RNF220: variants seen among roughly 807,000 people sequenced by gnomAD.
RNF220 encodes the protein E3 ubiquitin-protein ligase RNF220.
A neutral mutation model predicts 67.1 loss-of-function variants in RNF220; 7 were observed. That is an observed-to-expected ratio of 0.10 (90% CI 0.06 to 0.20). The LOEUF (loss-of-function observed/expected upper bound fraction) is 0.20. Ranked by LOEUF, RNF220 falls within the 10% of genes least tolerant of loss-of-function variation. The pLI is 1.00. For missense variants in RNF220, 565 were observed against 740.3 expected, an observed-to-expected ratio of 0.76 and a Z score of 2.75; for synonymous variants, 270 against 283.2, an observed-to-expected ratio of 0.95 and a Z score of 0.47.
intron 2 of RNF220, among the ~76,000 whole-genome samples, chr1:44,508,846 G>T (rs1041275737): frequency 5.3e-5 from 8 of 152,224 alleles, no homozygotes; most frequent in Admixed American, 2.6e-4. Flanking sequence ...AGTTTGCAAA[G>T]AACTCATGAG....
intron 2 of RNF220, among the ~76,000 whole-genome samples, chr1:44,451,038 C>G (rs1036981528): frequency 6.6e-6 from 1 of 152,076 alleles, no homozygotes; most frequent in African/African-American, 2.4e-5. Context: ...AAAAAATTAG[C>G]GGGGCGTGGT....
At chr1:44,434,532 C>G (rs1176625514) in intron 2 of RNF220, among the ~76,000 whole-genome samples, 1 of 151,936 alleles carries the variant, frequency 6.6e-6, no homozygotes, top group Non-Finnish European at 1.5e-5. Flanking sequence ...CACGGTGAAA[C>G]CACGTCTCTA....
chr1:44,564,276 A>G (rs1228315120), intron 2 of RNF220, among the ~76,000 whole-genome samples: 1 of 152,054 alleles, frequency 6.6e-6, no homozygotes, highest in Non-Finnish European at 1.5e-5. Flanking sequence ...CGTTGCAATC[A>G]CCTTCTAACT....
chr1:44,601,481 G>T (rs1171376795), intron 2 of RNF220, among the ~76,000 whole-genome samples: 1 of 152,192 alleles, frequency 6.6e-6, no homozygotes, highest in East Asian at 1.9e-4. Flanking sequence ...AGATGCAGTA[G>T]AGAGGGAGAA....
At chr1:44,579,613 C>A (rs1665085608) in intron 2 of RNF220, among the ~76,000 whole-genome samples, 1 of 152,218 alleles carries the variant, frequency 6.6e-6, no homozygotes. Context: ...TCTGGACACT[C>A]ATCCGAGACA....
chr1:44,580,811 GGTTGTGTGT>G (rs1198839165), intron 2 of RNF220, among the ~76,000 whole-genome samples: 2 of 152,244 alleles, frequency 1.3e-5, no homozygotes, highest in East Asian at 3.8e-4. Flanking sequence ...CTGCTCTGCT[GGTTGTGTGT>G]CCCTCCTTCC....
At chr1:44,429,672 T>G (rs1361348384) in intron 2 of RNF220, among the ~76,000 whole-genome samples, 2 of 152,212 alleles carry the variant, frequency 1.3e-5, no homozygotes, top group African/African-American at 2.4e-5. Context: ...ATGGCAAATG[T>G]GAAGCATTTC....
intron 8 of RNF220, chr1:44,644,402 C>T: frequency 3.1e-6 from 1 of 319,478 alleles, no homozygotes; most frequent in Non-Finnish European, 5.9e-6. Flanking sequence ...GATAGGTGGA[C>T]AGCAGGCCTG....
At chr1:44,577,296 C>G (rs1283349065) in intron 2 of RNF220, among the ~76,000 whole-genome samples, 5 of 152,140 alleles carry the variant, frequency 3.3e-5, no homozygotes, top group Admixed American at 2.0e-4. Context: ...CTGCAGTGCA[C>G]CCCCTCTTAC....
Position 44,622,590 on chromosome 1 carries a change from C to T in RNF220, c.759-152C>T, listed in dbSNP as rs1643844274. On this transcript the variant is annotated intron_variant, in intron 3 of 14. Transcript: ENST00000361799. The surrounding 1 kb of genome is among the most constrained non-coding windows in gnomAD (Gnocchi z 4.3). ...TCAGCCCATGAGAGAGGCTGGGCCA[C>T]TGGGATTGAAAGGACTGGGTGGAGC... is the stretch of plus-strand genomic sequence containing the variant. 1 of 657,396 alleles carries T rather than the reference C, an allele frequency of 1.5e-6. No individual in the cohort carries two copies. Among genetic ancestry groups the T allele is most frequent in the Non-Finnish European group, 2.7e-6 (1 of 367,972 alleles). 40.7% of individuals were successfully genotyped at this position (657,396 alleles called of 1,614,324 possible).
chr1:44,514,458 A>G (rs1424288986), intron 2 of RNF220, among the ~76,000 whole-genome samples: 1 of 152,218 alleles, frequency 6.6e-6, no homozygotes, highest in African/African-American at 2.4e-5. Flanking sequence ...AATATTAGGC[A>G]TTCGTCCCTG....
chr1:44,524,266 G>T (rs1660180111), intron 2 of RNF220, among the ~76,000 whole-genome samples: 1 of 152,138 alleles, frequency 6.6e-6, no homozygotes. Flanking sequence ...CACCGCCTCT[G>T]CTGGCCAGAT....
At chr1:44,492,309 C>T (rs1301937712) in intron 2 of RNF220, among the ~76,000 whole-genome samples, 12 of 152,164 alleles carry the variant, frequency 7.9e-5, no homozygotes, top group Admixed American at 7.9e-4. Flanking sequence ...GAACCATATG[C>T]TCCCGGGGGG....
intron 2 of RNF220, among the ~76,000 whole-genome samples, chr1:44,501,121 C>G (rs1299620160): frequency 6.7e-6 from 1 of 149,482 alleles, no homozygotes; most frequent in African/African-American, 2.5e-5. Flanking sequence ...TTCCACCAGC[C>G]CGAGTGACAC....
At position 44,597,468 on chromosome 1, in the gene RNF220, GCACACACACACACACA is replaced by G. The variant is rs56375404; in HGVS notation, c.626-16669_626-16654del. ...ACGCCCTTCTCTCTCTCTCTCTCAT[GCACACACACACACACA>G]CACACACACACACACACACACACAC... On this transcript the variant is annotated intron_variant, in intron 2 of 14. Transcript: ENST00000361799. Among the ~76,000 whole-genome samples, 202 of 135,736 alleles carry G rather than the reference GCACACACACACACACA, an allele frequency of 1.5e-3. 1 individual carries two copies. In the South Asian group the frequency reaches 0.032, roughly 22 times the overall value. The allele number at this position is 135,736 out of a possible 152,430, so 89.0% of individuals were successfully genotyped here.
At chr1:44,502,586 A>G (rs1206748112) in intron 2 of RNF220, among the ~76,000 whole-genome samples, 2 of 152,178 alleles carry the variant, frequency 1.3e-5, no homozygotes, top group Non-Finnish European at 2.9e-5. Context: ...AGGAAATAAG[A>G]GCTGTCCCTG....
chr1:44,622,151 C>A lies in RNF220; in HGVS notation c.759-591C>A, dbSNP rs1227580454. Among the ~76,000 whole-genome samples the A allele has an allele frequency of 6.6e-6, 1 of 152,218 alleles. No individual in the cohort carries two copies. Among genetic ancestry groups the A allele is most frequent in the Admixed American group, 6.5e-5 (1 of 15,288 alleles). On this transcript the variant is annotated intron_variant, in intron 3 of 14. Coordinates refer to ENST00000361799, the MANE Select transcript of RNF220 (RefSeq NM_018150.4). The surrounding 1 kb of genome is among the most constrained non-coding windows in gnomAD (Gnocchi z 4.3). Reference sequence around the variant, plus strand: ...TATTAAACACAGTCCTCGCCTCCCCCACAGCCCATCCATCACCTCCCACCC... The same window carrying A: ...TATTAAACACAGTCCTCGCCTCCCCAACAGCCCATCCATCACCTCCCACCC...
intron 2 of RNF220, chr1:44,545,407 TTTTATCCTCA>T (rs1340869586): frequency 1.3e-5 from 2 of 154,194 alleles, no homozygotes; most frequent in African/African-American, 2.4e-5. Flanking sequence ...CATTATCTAA[TTTTATCCTCA>T]GGCACTCAGC....
At chr1:44,589,553 G>A (rs1366829291) in intron 2 of RNF220, among the ~76,000 whole-genome samples, 1 of 139,060 alleles carries the variant, frequency 7.2e-6, no homozygotes, top group Non-Finnish European at 1.6e-5. Flanking sequence ...GGAGGAGCTT[G>A]CAGTGAGCTG....
Sources: allele counts gnomAD v4.1 joint callset (sites outside exome capture counted in the v4.1 genomes callset), GRCh38; gene constraint gnomAD v4.1.1; non-coding constraint Gnocchi (gnomAD v3.1); transcripts MANE v1.5; gene names NCBI Gene and HGNC (gene_info 2026-07-23, HGNC 2026-07-21).